The following USP9X variants were observed in gnomAD, a reference collection of about 807,000 sequenced individuals.
USP9X encodes the protein ubiquitin carboxyl-terminal hydrolase 9X.
Under a neutral mutation model 190.3 loss-of-function variants are expected in USP9X, and 7 were observed. That is an observed-to-expected ratio of 0.04 (90% confidence interval 0.02 to 0.07). The LOEUF (loss-of-function observed/expected upper bound fraction) is 0.07. Ranked by LOEUF, USP9X falls within the 10% of genes least tolerant of loss-of-function variation. The pLI, the probability that USP9X is intolerant of heterozygous loss-of-function variation, is 1.00. For synonymous variants in USP9X, 645 were observed against 659.5 expected, an observed-to-expected ratio of 0.98 and a Z score of 0.34; for missense variants, 1,010 against 1,916.9, an observed-to-expected ratio of 0.53 and a Z score of 8.83.
At position 41,196,341 on chromosome X, in the gene USP9X, A is replaced by G. The variant is rs928020641; in HGVS notation, c.4068A>G (p.Leu1356=). The change falls in exon 27 of 45, where the codon CTA becomes CTG. Residue 1356 remains leucine (L), a synonymous_variant. Coordinates refer to ENST00000378308, the MANE Select transcript of USP9X (RefSeq NM_001039591.3). ...GGCCTCTACTTTTCTTCATTACTCT[A>G]CTCTTTACTGTTTTGGGGGTGAGAC... ...GHRPLLFFIT[L]LFTVLGSTAR... The G allele has an allele frequency of 2.5e-6, 3 of 1,207,934 alleles. No homozygotes were observed. The highest frequency in any genetic ancestry group is 3.5e-5 in the African/African-American group (2 of 56,902).
chrX:41,227,112 A>C (rs61536649), intron 41 of USP9X, among the ~76,000 whole-genome samples: 15,567 of 111,843 alleles, frequency 0.14, 979 homozygotes, highest in East Asian at 0.22. Flanking sequence ...GATACTGTTA[A>C]ATGAATCACT....
intron 38 of USP9X, among the ~76,000 whole-genome samples, chrX:41,221,193 C>T (rs1484289725): frequency 9.0e-6 from 1 of 110,539 alleles, no homozygotes; most frequent in East Asian, 2.8e-4. Context: ...ACCCAGAAGG[C>T]GGAGGTTGCA....
chrX:41,125,513 CT>C lies in USP9X; in HGVS notation c.96+1795del, dbSNP rs898380006. Among the ~76,000 whole-genome samples the C allele has an allele frequency of 4.7e-5, 5 of 107,408 alleles. No individual in the cohort carries two copies. The East Asian group carries it at 1.5e-3, about 31-fold the overall frequency. The allele number at this position is 107,408 out of a possible 115,157, so 93.3% of individuals were successfully genotyped here. A position where few individuals can be genotyped will look rare whatever the true frequency, so the allele number is the denominator to read the frequency against. On this transcript the variant is annotated intron_variant, in intron 2 of 44. Transcript: ENST00000378308. Reference sequence around the variant, plus strand: ...AGTTGTTAACGACCCTTTTTATTATCTTTTTTGTGTCTTGGGGCCTATGGTA... The same window carrying C: ...AGTTGTTAACGACCCTTTTTATTATCTTTTTGTGTCTTGGGGCCTATGGTA...
At position 41,235,443 on chromosome X, in the gene USP9X, G is replaced by A. The variant is rs1322040228; in HGVS notation, c.*2919G>A. On this transcript the variant is annotated 3_prime_UTR_variant, in exon 45 of 45. Transcript: ENST00000378308. ...GAGCCATATATTTCCTATTTTAAATGTTTGCGGAATCGCCAGTCTTCCTTT... is the reference window on the plus strand; with the variant it reads ...GAGCCATATATTTCCTATTTTAAATATTTGCGGAATCGCCAGTCTTCCTTT... 8.9e-6 allele frequency: 1 copy of A among 112,669 alleles called. No homozygotes were observed. Among genetic ancestry groups the A allele is most frequent in the Non-Finnish European group, 1.9e-5 (1 of 53,254 alleles). The allele number at this position is 112,669 out of a possible 1,213,427, so 9.3% of individuals were successfully genotyped here.
intron 1 of USP9X, among the ~76,000 whole-genome samples, chrX:41,099,448 C>G (rs368973733): frequency 2.7e-5 from 3 of 110,459 alleles, no homozygotes; most frequent in South Asian, 7.8e-4. Flanking sequence ...AGCAGTAGGT[C>G]GTGTTGCTCT....
intron 3 of USP9X, among the ~76,000 whole-genome samples, chrX:41,130,742 T>A (rs1601956730): frequency 9.3e-6 from 1 of 107,570 alleles, no homozygotes; most frequent in African/African-American, 3.4e-5. Context: ...TTTTTTCCTT[T>A]TGAGACGGTG....
intron 28 of USP9X, 51 bp from the exon 29 acceptor site, chrX:41,197,313 G>A: frequency 1.1e-6 from 1 of 948,761 alleles, no homozygotes. Context: ...CCTTTCATAA[G>A]CTAGACATTT....
At position 41,219,093 on chromosome X, in the gene USP9X, C is replaced by T; in HGVS notation, c.6436-9C>T. 2 of 1,201,156 alleles carry T rather than the reference C, an allele frequency of 1.7e-6. No homozygotes were observed. Among genetic ancestry groups the T allele is most frequent in the African/African-American group, 1.7e-5 (1 of 57,215 alleles). On this transcript the variant is annotated splice_polypyrimidine_tract_variant and intron_variant, in intron 37 of 44. Coordinates refer to ENST00000378308, the MANE Select transcript of USP9X (RefSeq NM_001039591.3). ...TGCTGTAAAACAGGTAATGTTTTATCCTTTACAGGCTTATGACAACTTAAG... is the reference window on the plus strand; with the variant it reads ...TGCTGTAAAACAGGTAATGTTTTATTCTTTACAGGCTTATGACAACTTAAG...
intron 30 of USP9X, among the ~76,000 whole-genome samples, chrX:41,200,832 A>T: frequency 8.9e-6 from 1 of 112,337 alleles, no homozygotes; most frequent in South Asian, 3.7e-4. Flanking sequence ...ACATCATATG[A>T]AACGGGTTTG....
intron 1 of USP9X, among the ~76,000 whole-genome samples, chrX:41,104,846 A>G (rs2062058385): frequency 9.0e-6 from 1 of 111,609 alleles, no homozygotes; most frequent in Non-Finnish European, 1.9e-5. Flanking sequence ...CCTGTCTGCT[A>G]TGTTGCAGTA....
chrX:41,211,266 C>G (rs2063155252), intron 33 of USP9X, among the ~76,000 whole-genome samples: 1 of 112,495 alleles, frequency 8.9e-6, no homozygotes, highest in South Asian at 3.6e-4. Context: ...GTTGAGATGA[C>G]AGGCGTGAGC....
At chrX:41,124,315 C>T (rs957531022) in intron 2 of USP9X, among the ~76,000 whole-genome samples, 4 of 109,019 alleles carry the variant, frequency 3.7e-5, no homozygotes, top group Admixed American at 9.8e-5. Context: ...TGTGGTGGCA[C>T]GTGCCTATAG....
chrX:41,104,813 G>A (rs2062058110), intron 1 of USP9X, among the ~76,000 whole-genome samples: 1 of 111,301 alleles, frequency 9.0e-6, no homozygotes, highest in Non-Finnish European at 1.9e-5. Flanking sequence ...GATACCTGGA[G>A]TTAGAACATC....
At chrX:41,167,121 A>T (rs899795037) in intron 16 of USP9X, 3 of 172,051 alleles carry the variant, frequency 1.7e-5, no homozygotes, top group African/African-American at 9.6e-5. Context: ...GTAGTCCTTT[A>T]TGCTAAACTG....
At chrX:41,171,758 C>T (rs2062727987) in intron 20 of USP9X, 80 bp from the exon 21 acceptor site, 1 of 1,083,145 alleles carries the variant, frequency 9.2e-7, no homozygotes. Context: ...TAGGGATTAA[C>T]ACAGAGAAAC....
chrX:41,098,545 C>T (rs907657045), intron 1 of USP9X, among the ~76,000 whole-genome samples: 7 of 110,012 alleles, frequency 6.4e-5, no homozygotes, highest in African/African-American at 2.3e-4. Context: ...AATACATGAT[C>T]ACTAACTGTC....
intron 25 of USP9X, 106 bp downstream of exon 25, chrX:41,188,223 C>T: frequency 1.2e-6 from 1 of 806,416 alleles, no homozygotes; most frequent in Non-Finnish European, 1.7e-6. Flanking sequence ...GAATCACTTG[C>T]ATCTTAATGG....
intron 15 of USP9X, among the ~76,000 whole-genome samples, chrX:41,164,618 G>C (rs1226637687): frequency 8.9e-6 from 1 of 112,234 alleles, no homozygotes; most frequent in Non-Finnish European, 1.9e-5. Flanking sequence ...TGACTTTAAT[G>C]CCTGCTGTGT....
chrX:41,187,893 G>T, intron 24 of USP9X, 99 bp from the exon 25 acceptor site: 1 of 759,072 alleles, frequency 1.3e-6, no homozygotes. Context: ...GTACTACACA[G>T]TAATTCCTAT....
Sources: allele counts gnomAD v4.1 joint callset (sites outside exome capture counted in the v4.1 genomes callset), GRCh38; gene constraint gnomAD v4.1.1; transcripts MANE v1.5; gene names NCBI Gene and HGNC (gene_info 2026-07-23, HGNC 2026-07-21).